The following TMPRSS2 variants were observed in gnomAD, a reference collection of about 807,000 sequenced individuals.
TMPRSS2 encodes transmembrane serine protease 2.
Under a neutral mutation model 67.4 loss-of-function variants are expected in TMPRSS2, and 59 were observed. The observed-to-expected ratio is 0.88, with a 90% CI of 0.71 to 1.09. The LOEUF (loss-of-function observed/expected upper bound fraction) is 1.09. Ranked by LOEUF, TMPRSS2 falls within the 50% of genes least tolerant of loss-of-function variation. TMPRSS2 has a pLI of 0.00. For missense variants in TMPRSS2, 668 were observed against 642.7 expected, an observed-to-expected ratio of 1.04 and a Z score of -0.43; for synonymous variants, 257 against 257.0, an observed-to-expected ratio of 1.00 and a Z score of 0.00.
intron 10 of TMPRSS2, 134 bp downstream of exon 10, chr21:41,471,672 T>C (rs960685922): frequency 1.9e-5 from 19 of 1,017,558 alleles, no homozygotes; most frequent in Admixed American, 2.7e-5. Flanking sequence ...GCCTCTCCCA[T>C]TGGCCACCCG....
At position 41,508,124 on chromosome 21, in the gene TMPRSS2, T is replaced by A. The variant is rs2091472238; in HGVS notation, c.-100A>T. On this transcript the variant is annotated 5_prime_UTR_variant, in exon 1 of 14. Transcript: ENST00000332149. ...CGCTCCCCGCCCCTCGCCCTCCGCC[T>A]CCGCCTCCGCCTCCTGCTTAGCTCG... The A allele has an allele frequency of 2.2e-6, 2 of 929,494 alleles. No individual in the cohort carries two copies. The highest frequency in any genetic ancestry group is 6.8e-5 in the East Asian group (2 of 29,602). The allele number at this position is 929,494 out of a possible 1,614,324, so 57.6% of individuals were successfully genotyped here.
chr21:41,473,262 G>A, intron 9 of TMPRSS2, 63 bp downstream of exon 9: 2 of 1,497,954 alleles, frequency 1.3e-6, no homozygotes, highest in Non-Finnish European at 1.8e-6. Flanking sequence ...ACCTGCTCAA[G>A]GTCACAGGGT....
intron 9 of TMPRSS2, 27 bp from the exon 10 acceptor site, chr21:41,472,008 T>C (rs201320664): frequency 9.9e-4 from 1,549 of 1,561,012 alleles, no homozygotes; most frequent in Non-Finnish European, 1.3e-3. Flanking sequence ...ACTCAGTATC[T>C]CAGAGCCATA....
intron 3 of TMPRSS2, among the ~76,000 whole-genome samples, chr21:41,492,155 T>C (rs2091342466): frequency 6.6e-6 from 1 of 152,234 alleles, no homozygotes; most frequent in African/African-American, 2.4e-5. Context: ...ATCGTGCCAC[T>C]GCACTCCAGC....
intron 1 of TMPRSS2, among the ~76,000 whole-genome samples, chr21:41,504,530 A>G (rs2091444675): frequency 6.6e-6 from 1 of 152,160 alleles, no homozygotes; most frequent in Non-Finnish European, 1.5e-5. Context: ...TTGCTCAGCA[A>G]CCAGGAATAA....
rs767565290 is a variant in TMPRSS2 at position 41,468,553 on chromosome 21, A to G, written c.1172-15T>C. On this transcript the variant is annotated splice_polypyrimidine_tract_variant and intron_variant, in intron 11 of 13. Transcript: ENST00000332149. ...TGAGGTCTTCCCTAAGGACAGGGAG[A>G]CTTGTTGAGCTCCCAGTGTTGCCTG... is the stretch of plus-strand genomic sequence containing the variant. 7 of 1,613,282 alleles carry G rather than the reference A, an allele frequency of 4.3e-6. No homozygotes were observed. The South Asian group carries it at 4.4e-5, about 10-fold the overall frequency.
chr21:41,507,066 C>G (rs1448579386), intron 1 of TMPRSS2, among the ~76,000 whole-genome samples: 1 of 152,240 alleles, frequency 6.6e-6, no homozygotes, highest in African/African-American at 2.4e-5. Context: ...GCGTTCTGAA[C>G]AGGATTCAGG....
Position 41,479,187 on chromosome 21 carries a change from TTA to T in TMPRSS2, c.666_667del (p.Tyr222Ter). Reference sequence around the variant, plus strand: ...TGCTGCATACCTGTGGTACAGTTTTTTATAGATATCGACATTGCCGGCACTTG... The same window carrying T: ...TGCTGCATACCTGTGGTACAGTTTTTTAGATATCGACATTGCCGGCACTTG... On this transcript the variant is annotated stop_gained and frameshift_variant, in exon 7 of 14. Transcript: ENST00000332149. LOFTEE classifies it high-confidence loss of function. 2 of 1,613,920 alleles carry T rather than the reference TTA, an allele frequency of 1.2e-6. No individual in the cohort carries two copies. The highest frequency in any genetic ancestry group is 1.7e-6 in the Non-Finnish European group (2 of 1,179,898).
intron 5 of TMPRSS2, among the ~76,000 whole-genome samples, chr21:41,481,060 A>G (rs1320670224): frequency 6.6e-6 from 1 of 152,140 alleles, no homozygotes. Flanking sequence ...CCACAAATCT[A>G]TTCTTTTTCT....
At chr21:41,495,337 G>A (rs1229130239) in intron 2 of TMPRSS2, among the ~76,000 whole-genome samples, 1 of 151,806 alleles carries the variant, frequency 6.6e-6, no homozygotes, top group Non-Finnish European at 1.5e-5. Flanking sequence ...CAAAAATACA[G>A]ATTTGGCTGG....
chr21:41,508,130 T>TC lies in TMPRSS2; in HGVS notation c.-107dup. 1.1e-6 allele frequency: 1 copy of TC among 930,194 alleles called. No homozygotes were observed. The highest frequency in any genetic ancestry group is 1.4e-6 in the Non-Finnish European group (1 of 692,296). 57.6% of individuals were successfully genotyped at this position (930,194 alleles called of 1,614,324 possible). On this transcript the variant is annotated 5_prime_UTR_variant, in exon 1 of 14. Coordinates refer to ENST00000332149, the MANE Select transcript of TMPRSS2 (RefSeq NM_005656.4). ...CCGCCCCTCGCCCTCCGCCTCCGCCTCCGCCTCCTGCTTAGCTCGCGCCTA... is the reference window on the plus strand; with the variant it reads ...CCGCCCCTCGCCCTCCGCCTCCGCCTCCCGCCTCCTGCTTAGCTCGCGCCTA...
At chr21:41,501,624 A>G (rs1328167430) in intron 1 of TMPRSS2, among the ~76,000 whole-genome samples, 3 of 150,886 alleles carry the variant, frequency 2.0e-5, no homozygotes, top group East Asian at 1.9e-4. Context: ...AAAAAAAAAA[A>G]AAAAAAAAAA....
chr21:41,479,049 A>G, intron 7 of TMPRSS2, 123 bp downstream of exon 7: 2 of 723,994 alleles, frequency 2.8e-6, no homozygotes, highest in South Asian at 1.8e-5. Flanking sequence ...ATCTCCTCCC[A>G]ATGCAAAACC....
At chr21:41,484,068 A>G (rs1198650109) in intron 5 of TMPRSS2, among the ~76,000 whole-genome samples, 1 of 152,212 alleles carries the variant, frequency 6.6e-6, no homozygotes, top group Non-Finnish European at 1.5e-5. Context: ...GCAATGAGCC[A>G]TGACTGAGCC....
At chr21:41,482,004 T>A (rs2091260827) in intron 5 of TMPRSS2, among the ~76,000 whole-genome samples, 1 of 152,058 alleles carries the variant, frequency 6.6e-6, no homozygotes, top group African/African-American at 2.4e-5. Context: ...AAGGTTGCAG[T>A]GAGCTGAGAT....
chr21:41,488,619 C>G, intron 4 of TMPRSS2, 106 bp from the exon 5 acceptor site: 1 of 1,259,684 alleles, frequency 7.9e-7, no homozygotes, highest in Non-Finnish European at 1.1e-6. Context: ...CAGCCTCCAA[C>G]TCCTGGCCCC....
intron 1 of TMPRSS2, among the ~76,000 whole-genome samples, chr21:41,498,437 G>C (rs1237313779): frequency 6.6e-6 from 1 of 152,178 alleles, no homozygotes; most frequent in Non-Finnish European, 1.5e-5. Context: ...GAGTGGGTAG[G>C]AGGATGGGGT....
In TMPRSS2 at chr21:41,477,875, G is replaced by A. The variant is rs548267325; in HGVS notation, c.684-1255C>T. Reference sequence around the variant, plus strand: ...TGCACAGAAAGAGGAAAAGAAGTGCGCCTCCCCCCACCACCACCACCGAGA... The same window carrying A: ...TGCACAGAAAGAGGAAAAGAAGTGCACCTCCCCCCACCACCACCACCGAGA... On this transcript the variant is annotated intron_variant, in intron 7 of 13. Coordinates refer to ENST00000332149, the MANE Select transcript of TMPRSS2 (RefSeq NM_005656.4). Among the ~76,000 whole-genome samples, 195 of 138,902 alleles carry A rather than the reference G, an allele frequency of 1.4e-3. 3 individuals are homozygous for A. Among genetic ancestry groups the A allele is most frequent in the Non-Finnish European group, 3.7e-4 (23 of 62,800 alleles). 91.1% of individuals were successfully genotyped at this position (138,902 alleles called of 152,430 possible). A position where few individuals can be genotyped will look rare whatever the true frequency, so the allele number is the denominator to read the frequency against.
chr21:41,477,896 C>T (rs749979898), intron 7 of TMPRSS2, among the ~76,000 whole-genome samples: 19 of 152,130 alleles, frequency 1.2e-4, no homozygotes, highest in African/African-American at 4.6e-4. Flanking sequence ...CCACCACCAC[C>T]GAGATAGAAT....
Sources: gnomAD v4.1 joint callset for allele counts (sites outside exome capture counted in the v4.1 genomes callset) on GRCh38, gnomAD v4.1.1 for gene constraint, MANE v1.5 for transcripts, NCBI Gene and HGNC (gene_info 2026-07-23, HGNC 2026-07-21) for gene names.